The following KIF5C variants were observed in gnomAD, a reference collection of about 807,000 sequenced individuals.
The protein encoded by KIF5C is kinesin family member 5C.
Under a neutral mutation model 125.2 loss-of-function variants are expected in KIF5C, and 18 were observed. The ratio of observed to expected loss-of-function variants is 0.14; its 90% CI spans 0.10 to 0.21. The LOEUF is 0.21. Among genes scored for constraint, KIF5C ranks in the 10% least tolerant of loss-of-function variants. KIF5C has a pLI of 1.00. For synonymous variants in KIF5C, 405 were observed against 434.0 expected (o/e 0.93, Z 0.83); for missense variants, 780 against 1,183.8 (o/e 0.66, Z 5.01).
chr2:148,904,381 C>T (rs144391879), intron 1 of KIF5C, among the ~76,000 whole-genome samples: 152 of 152,266 alleles, frequency 1.0e-3, no homozygotes, highest in African/African-American at 3.4e-3. Flanking sequence ...AATGGTTCCT[C>T]GTACTGGGAA....
chr2:148,930,430 C>T (rs188662497), intron 3 of KIF5C, among the ~76,000 whole-genome samples: 26 of 151,672 alleles, frequency 1.7e-4, no homozygotes, highest in African/African-American at 4.9e-5. Context: ...AGGTGGTAAG[C>T]GTGGTTATTA....
At chr2:148,926,581 C>G (rs545985220) in intron 2 of KIF5C, among the ~76,000 whole-genome samples, 9 of 152,308 alleles carry the variant, frequency 5.9e-5, no homozygotes, top group African/African-American at 2.2e-4. Flanking sequence ...CTGGCCTTTC[C>G]TGCTACGGCT....
chr2:148,957,901 C>T (rs1208534655), intron 10 of KIF5C, among the ~76,000 whole-genome samples: 1 of 151,842 alleles, frequency 6.6e-6, no homozygotes, highest in Admixed American at 6.6e-5. Context: ...GTCACCCTAA[C>T]TTCCATCAAC....
chr2:148,888,932 C>T (rs1681631777), intron 1 of KIF5C: 1 of 152,024 alleles, frequency 6.6e-6, no homozygotes, highest in Non-Finnish European at 1.5e-5. Flanking sequence ...GTCCATTGGG[C>T]TGATAGGTCA....
intron 1 of KIF5C, among the ~76,000 whole-genome samples, chr2:148,900,068 A>G (rs1017490182): frequency 6.6e-6 from 1 of 151,556 alleles, no homozygotes; most frequent in Non-Finnish European, 1.5e-5. Context: ...CTGTTTTTCT[A>G]CTCTTCAGGT....
rs564966235 is a variant in KIF5C, at chr2:149,013,781, A to G, written c.*7+2098A>G. 9.9e-5 allele frequency among the ~76,000 whole-genome samples: 15 copies of G among 152,256 alleles called. No homozygotes were observed. The South Asian group carries it at 3.1e-3, about 32-fold the overall frequency. The stretch of plus-strand genomic sequence containing the variant: ...TCCAACAAAGGTCTGCCAGTCCCAT[A>G]TTTTATGTAGGCTCCAAACAACCAA... On this transcript the variant is annotated intron_variant, in intron 25 of 25. Transcript: ENST00000435030.
intron 1 of KIF5C, among the ~76,000 whole-genome samples, chr2:148,897,838 G>A (rs1680728410): frequency 7.6e-6 from 1 of 131,564 alleles, no homozygotes; most frequent in Admixed American, 9.1e-5. Flanking sequence ...AGAATCACTT[G>A]AACCTGGAAG....
chr2:148,881,508 TC>T (rs1681353604), intron 1 of KIF5C, among the ~76,000 whole-genome samples: 1 of 152,100 alleles, frequency 6.6e-6, no homozygotes, highest in Non-Finnish European at 1.5e-5. Flanking sequence ...AGGTTTTTTT[TC>T]CCCCTTTCCC....
chr2:148,959,644 C>T (rs763769475), intron 10 of KIF5C, among the ~76,000 whole-genome samples: 3 of 152,098 alleles, frequency 2.0e-5, no homozygotes, highest in Non-Finnish European at 4.4e-5. Flanking sequence ...AGTTGGGTTG[C>T]GCATCTTTAG....
In KIF5C at chr2:148,922,374, C is replaced by T. The variant is rs1681823111; in HGVS notation, c.217+147C>T. On this transcript the variant is annotated intron_variant, in intron 2 of 25. Coordinates refer to ENST00000435030, the MANE Select transcript of KIF5C (RefSeq NM_004522.3). The stretch of plus-strand genomic sequence containing the variant: ...CTGAATTCTATAGCCTCGGTTCTAG[C>T]CCTGATTTGCTATGATGTCAGGCAA... 2.1e-5 allele frequency: 11 copies of T among 532,178 alleles called. No homozygotes were observed. The South Asian group carries it at 2.8e-4, about 14-fold the overall frequency. 33.0% of individuals were successfully genotyped at this position (532,178 alleles called of 1,614,324 possible). A position where few individuals can be genotyped will look rare whatever the true frequency, so the allele number is the denominator to read the frequency against.
chr2:148,964,109 C>T (rs1682992471), intron 11 of KIF5C, among the ~76,000 whole-genome samples: 1 of 152,098 alleles, frequency 6.6e-6, no homozygotes, highest in Admixed American at 6.6e-5. Flanking sequence ...AACCCTGTCT[C>T]TACTAAAAAT....
intron 1 of KIF5C, chr2:148,885,476 C>G (rs1039056532): frequency 1.3e-5 from 2 of 152,140 alleles, no homozygotes; most frequent in Admixed American, 6.5e-5. Flanking sequence ...CTTATTAGAT[C>G]GCCATCAACT....
intron 4 of KIF5C, among the ~76,000 whole-genome samples, chr2:148,940,511 G>T (rs1323420341): frequency 6.6e-6 from 1 of 152,200 alleles, no homozygotes; most frequent in East Asian, 1.9e-4. Context: ...TCAGGGCTGA[G>T]TCAGAGCTGG....
chr2:148,998,791 T>A, intron 19 of KIF5C: 1 of 259,018 alleles, frequency 3.9e-6, no homozygotes, highest in Non-Finnish European at 6.9e-6. Flanking sequence ...GATGGACGCA[T>A]GCCCCAGTAG....
intron 1 of KIF5C, chr2:148,886,072 C>G (rs147929720): frequency 1.3e-5 from 2 of 152,268 alleles, no homozygotes; most frequent in African/African-American, 4.8e-5. Context: ...CACATAACAA[C>G]TCCATCGATA....
intron 4 of KIF5C, among the ~76,000 whole-genome samples, chr2:148,939,484 G>A (rs927794907): frequency 6.6e-5 from 10 of 152,160 alleles, no homozygotes; most frequent in Admixed American, 3.3e-4. Context: ...GGGTTCTTAT[G>A]TGATAATCCT....
At chr2:148,934,057 C>T (rs2105095437) in intron 3 of KIF5C, among the ~76,000 whole-genome samples, 1 of 150,944 alleles carries the variant, frequency 6.6e-6, no homozygotes, top group East Asian at 1.9e-4. Context: ...ACACATGGCC[C>T]TCACATACAT....
intron 1 of KIF5C, among the ~76,000 whole-genome samples, chr2:148,916,045 A>G (rs1209894378): frequency 6.6e-6 from 1 of 152,256 alleles, no homozygotes; most frequent in African/African-American, 2.4e-5. Flanking sequence ...TCCAGCAGCC[A>G]GAAAAGCCTT....
intron 21 of KIF5C, among the ~76,000 whole-genome samples, chr2:149,001,319 A>G (rs774805367): frequency 1.7e-4 from 26 of 152,164 alleles, no homozygotes; most frequent in Non-Finnish European, 2.9e-5. Context: ...AAGGAGAAGA[A>G]CTGAGCACAG....
Sources: allele counts gnomAD v4.1 joint callset (sites outside exome capture counted in the v4.1 genomes callset), GRCh38; gene constraint gnomAD v4.1.1; transcripts MANE v1.5; gene names NCBI Gene and HGNC (gene_info 2026-07-23, HGNC 2026-07-21).